The following LTA4H variants were observed in gnomAD, a reference collection of about 807,000 sequenced individuals.
The protein encoded by LTA4H is leukotriene A4 hydrolase, also known as leukotriene A-4 hydrolase.
LTA4H carries 59 observed loss-of-function variants against 89.8 expected under a neutral mutation model. The observed-to-expected ratio is 0.66, with a 90% CI of 0.53 to 0.82. The LOEUF (loss-of-function observed/expected upper bound fraction) is 0.82, where lower values mean the gene tolerates loss of function less well. LTA4H is among the 40% of genes least tolerant of loss of function. The pLI is 0.00. For synonymous variants in LTA4H, 227 were observed against 253.1 expected, an observed-to-expected ratio of 0.90 and a Z score of 0.98; for missense variants, 617 against 727.0, an observed-to-expected ratio of 0.85 and a Z score of 1.74.
intron 11 of LTA4H, 152 bp from the exon 12 acceptor site, chr12:96,015,151 C>CT (rs1950358095): frequency 1.7e-6 from 1 of 594,984 alleles, no homozygotes; most frequent in East Asian, 2.9e-5. Context: ...TTGGCATAAA[C>CT]TTCTGGAAGT....
Position 96,013,622 on chromosome 12 carries a change from T to C in LTA4H, c.1308+128A>G, listed in dbSNP as rs931788674. 5 of 611,112 alleles carry C rather than the reference T, an allele frequency of 8.2e-6. No homozygotes were observed. In the African/African-American group the frequency reaches 9.6e-5, roughly 12 times the overall value. 37.9% of individuals were successfully genotyped at this position (611,112 alleles called of 1,614,324 possible). ...AAGATCACATTTAAAATAGAAAAAA[T>C]ATGCAATGAGAGGTTGAGTCCTAAA... On this transcript the variant is annotated intron_variant, in intron 13 of 18. Transcript: ENST00000228740.
In LTA4H at chr12:96,003,007, C is replaced by T. The variant is rs1196413564; in HGVS notation, c.1671G>A (p.Lys557=). ...KWEDAIPLAL[K]MATEQGRMKF... is the part of the protein sequence containing the mutation. ...TCATTCTTCCTTGTTCAGTTGCCAT[C>T]TTTAGCGCCAAAGGAATTGCGTCCT... is the stretch of plus-strand genomic sequence containing the variant. The change falls in exon 18 of 19, where the codon AAG becomes AAA. Residue 557 remains lysine (K), a synonymous_variant. Coordinates refer to ENST00000228740, the MANE Select transcript of LTA4H (RefSeq NM_000895.3). The T allele has an allele frequency of 6.2e-7, 1 of 1,606,186 alleles. No individual in the cohort carries two copies. Among genetic ancestry groups the T allele is most frequent in the East Asian group, 2.2e-5 (1 of 44,778 alleles).
rs780539755 is a variant in LTA4H, at chr12:96,003,837, C to T, written c.1613+1G>A. On this transcript the variant is annotated splice_donor_variant, in intron 17 of 18. Transcript: ENST00000228740. LOFTEE classifies it high-confidence loss of function. ...CACAGAGACAAGTTAAAATGATGTACCTGAATCGTATTTCAGAATTGTTAA... is the reference window on the plus strand; with the variant it reads ...CACAGAGACAAGTTAAAATGATGTATCTGAATCGTATTTCAGAATTGTTAA... 14 of 1,600,484 alleles carry T rather than the reference C, an allele frequency of 8.7e-6. No individual in the cohort carries two copies. The highest frequency in any genetic ancestry group is 7.7e-6 in the Non-Finnish European group (9 of 1,170,600).
At chr12:96,036,990 T>C (rs1271528204), upstream of LTA4H, among the ~76,000 whole-genome samples, 1 of 152,154 alleles carries the variant, frequency 6.6e-6, no homozygotes, top group African/African-American at 2.4e-5. Flanking sequence ...CACAAGACAC[T>C]GTGGCGAGGA....
rs1034506595 is a variant in LTA4H, at chr12:96,029,059, T to G, written c.286A>C (p.Ser96Arg). The G allele has an allele frequency of 6.3e-7, 1 of 1,581,532 alleles. No individual in the cohort carries two copies. The highest frequency in any genetic ancestry group is 8.6e-7 in the Non-Finnish European group (1 of 1,166,638). Residue 96 changes from serine to arginine, a missense_variant, in exon 2 of 19, where the codon AGC becomes CGC. Physicochemically the swap from Ser to Arg is moderately radical, Grantham distance 110. This residue lies in a region of LTA4H where 155 missense variants were observed against 143.3 expected (regional missense o/e 1.08). Coordinates refer to ENST00000228740, the MANE Select transcript of LTA4H (RefSeq NM_000895.3). ...PMEISLPIAL[S>R]KNQEIVIEIS... is the part of the protein sequence containing the mutation. Reference sequence around the variant, plus strand: ...GAAAGATCATAACATTCATACTTGCTCAAAGCGATAGGAAGAGAGATTTCC... The same window carrying G: ...GAAAGATCATAACATTCATACTTGCGCAAAGCGATAGGAAGAGAGATTTCC...
At chr12:96,038,860 A>G (rs569617810), upstream of LTA4H, among the ~76,000 whole-genome samples, 1 of 150,664 alleles carries the variant, frequency 6.6e-6, no homozygotes, top group African/African-American at 2.4e-5. Flanking sequence ...GAACCCACAG[A>G]GTTTATGCCA....
At position 96,022,270 on chromosome 12, in the gene LTA4H, C is replaced by A; in HGVS notation, c.481-19G>T. The A allele has an allele frequency of 6.8e-7, 1 of 1,471,050 alleles. No homozygotes were observed. The highest frequency in any genetic ancestry group is 1.2e-5 in the South Asian group (1 of 86,484). The allele number at this position is 1,471,050 out of a possible 1,614,324, so 91.1% of individuals were successfully genotyped here. A position where few individuals can be genotyped will look rare whatever the true frequency, so the allele number is the denominator to read the frequency against. Reference sequence around the variant, plus strand: ...CAGACACCTAATCAAGGAGAAAAATCATTTCTAGTCATAAATAAAAGCTTC... The same window carrying A: ...CAGACACCTAATCAAGGAGAAAAATAATTTCTAGTCATAAATAAAAGCTTC... On this transcript the variant is annotated intron_variant, in intron 4 of 18. Transcript: ENST00000228740. This position sits in a 1 kb window ranked among gnomAD's most constrained non-coding sequence, Gnocchi z 4.0.
intron 13 of LTA4H, 37 bp from the exon 14 acceptor site, chr12:96,013,295 G>GC: frequency 6.9e-7 from 1 of 1,444,118 alleles, no homozygotes; most frequent in Non-Finnish European, 9.7e-7. Context: ...ACAATAGAAT[G>GC]CCCTTTCCTG....
chr12:96,018,990 T>C (rs1418053025), intron 7 of LTA4H, 87 bp from the exon 8 acceptor site: 1 of 1,301,444 alleles, frequency 7.7e-7, no homozygotes, highest in Non-Finnish European at 1.1e-6. Context: ...CTATGAAGGT[T>C]ACAAGTTAAT....
At chr12:96,027,250 G>A (rs1342196212) in intron 3 of LTA4H, 194 bp downstream of exon 3, 2 of 379,916 alleles carry the variant, frequency 5.3e-6, no homozygotes, top group East Asian at 1.0e-4. Context: ...CTTATTTAAA[G>A]TAAGGCATGA....
chr12:96,041,037 T>C (rs1172102097), intron 1 of LTA4H, among the ~76,000 whole-genome samples: 1 of 152,226 alleles, frequency 6.6e-6, no homozygotes, highest in Non-Finnish European at 1.5e-5. Flanking sequence ...CTGCCTTTTT[T>C]GATTTAAGGC....
Position 96,022,297 on chromosome 12 carries a change from AT to A in LTA4H, c.481-47del, listed in dbSNP as rs1405948265. On this transcript the variant is annotated intron_variant, in intron 4 of 18. Transcript: ENST00000228740. This position sits in a 1 kb window ranked among gnomAD's most constrained non-coding sequence, Gnocchi z 4.0. Reference sequence around the variant, plus strand: ...TTTCTAGTCATAAATAAAAGCTTCTATGTGTCTTAAACCATATATGTAAAAT... The same window carrying A: ...TTTCTAGTCATAAATAAAAGCTTCTAGTGTCTTAAACCATATATGTAAAAT... The A allele has an allele frequency of 8.0e-7, 1 of 1,252,822 alleles. No homozygotes were observed. Among genetic ancestry groups the A allele is most frequent in the Admixed American group, 1.8e-5 (1 of 56,464 alleles). The allele number at this position is 1,252,822 out of a possible 1,614,324, so 77.6% of individuals were successfully genotyped here.
upstream of LTA4H, among the ~76,000 whole-genome samples, chr12:96,037,576 T>C (rs1392510075): frequency 6.6e-6 from 1 of 151,672 alleles, no homozygotes; most frequent in Non-Finnish European, 1.5e-5. Context: ...CAGAGAGTAG[T>C]GGATTGAGCA....
chr12:96,013,339 T>C, intron 13 of LTA4H, 81 bp from the exon 14 acceptor site: 2 of 823,766 alleles, frequency 2.4e-6, no homozygotes, highest in Non-Finnish European at 4.1e-6. Flanking sequence ...AGTCCTTAGA[T>C]ATATAATTTT....
At chr12:96,034,276 C>A (rs753949056) in intron 1 of LTA4H, among the ~76,000 whole-genome samples, 2 of 152,190 alleles carry the variant, frequency 1.3e-5, no homozygotes, top group Non-Finnish European at 2.9e-5. Flanking sequence ...CTTTTCATGA[C>A]CCTCTTATTT....
Position 96,003,066 on chromosome 12 carries a change from TA to T in LTA4H, c.1614-3del, listed in dbSNP as rs751993444. ...GATTGAATGCAGAGCCGCAGCCATC[TA>T]AAAGGAGGATTTGGGGGGAGCATGG... On this transcript the variant is annotated splice_region_variant and splice_polypyrimidine_tract_variant and intron_variant, in intron 17 of 18. Transcript: ENST00000228740. 1.3e-6 allele frequency: 2 copies of T among 1,585,576 alleles called. No individual in the cohort carries two copies. Among genetic ancestry groups the T allele is most frequent in the South Asian group, 2.3e-5 (2 of 87,496 alleles).
At chr12:96,038,491 G>A (rs764868353), upstream of LTA4H, among the ~76,000 whole-genome samples, 6 of 151,698 alleles carry the variant, frequency 4.0e-5, no homozygotes, top group South Asian at 8.3e-4. Flanking sequence ...AGCGATTCTC[G>A]TGCCTCAGCC....
chr12:96,017,580 C>A lies in LTA4H; in HGVS notation c.853G>T (p.Ala285Ser), dbSNP rs774789309. ...ACATTGGAGAGTGACTTGTCGCCTG[C>A]CTACAAAAAAAGAAAATTACCTTAG... is the stretch of plus-strand genomic sequence containing the variant. ...CLTFVTPTLL[A>S]GDKSLSNVIA... The change falls in exon 9 of 19, where the codon GCA becomes TCA. Residue 285 changes from alanine (A) to serine (S), a missense_variant and splice_region_variant. Coordinates refer to ENST00000228740, the MANE Select transcript of LTA4H (RefSeq NM_000895.3). 1.2e-6 allele frequency: 2 copies of A among 1,609,056 alleles called. No homozygotes were observed. Among genetic ancestry groups the A allele is most frequent in the Admixed American group, 1.7e-5 (1 of 59,618 alleles).
chr12:96,000,770 T>C lies in LTA4H; in HGVS notation c.*219A>G. The C allele has an allele frequency of 2.7e-6, 1 of 366,424 alleles. No individual in the cohort carries two copies. The highest frequency in any genetic ancestry group is 5.0e-6 in the Non-Finnish European group (1 of 201,022). The allele number at this position is 366,424 out of a possible 1,614,324, so 22.7% of individuals were successfully genotyped here. ...AATTAATATAAAGCTAATTCAAAAT[T>C]TTTTAATTTGTAAATCAAAAGATTA... On this transcript the variant is annotated 3_prime_UTR_variant, in exon 19 of 19. Transcript: ENST00000228740.
Sources: gnomAD v4.1 joint callset for allele counts (sites outside exome capture counted in the v4.1 genomes callset) on GRCh38, gnomAD v4.1.1 for gene constraint, gnomAD v4.1.1 regional missense constraint, Gnocchi (gnomAD v3.1) non-coding constraint, MANE v1.5 for transcripts, NCBI Gene and HGNC (gene_info 2026-07-23, HGNC 2026-07-21) for gene names.